WIZ: variants seen among roughly 807,000 people sequenced by gnomAD.
The protein encoded by WIZ is protein Wiz.
WIZ carries 25 observed loss-of-function variants against 140.2 expected under a neutral mutation model. The observed-to-expected ratio is 0.18, with a 90% CI of 0.13 to 0.25. WIZ has a LOEUF of 0.25. Ranked by LOEUF, WIZ falls within the 10% of genes least tolerant of loss-of-function variation. WIZ has a pLI of 1.00. For synonymous variants in WIZ, 1,125 were observed against 1,154.3 expected (o/e 0.97, Z 0.51); for missense variants, 2,231 against 2,632.6 (o/e 0.85, Z 3.34).
At chr19:15,429,241 G>A (rs988504585) in intron 7 of WIZ, among the ~76,000 whole-genome samples, 1 of 152,140 alleles carries the variant, frequency 6.6e-6, no homozygotes, top group Non-Finnish European at 1.5e-5. Context: ...AGAAAGCTAG[G>A]CCACAGGAAC....
In WIZ at chr19:15,442,691, T is replaced by C. The variant is rs1404188865; in HGVS notation, c.263A>G (p.His88Arg). Residue 88 changes from histidine (H) to arginine (R), a missense_variant, in exon 3 of 13, where the codon CAT (histidine) becomes CGT (arginine). This residue lies in a region of WIZ where 16 missense variants were observed against 39.7 expected (regional missense o/e 0.40). Coordinates refer to ENST00000673675, the MANE Select transcript of WIZ (RefSeq NM_001371589.1). This position sits in a 1 kb window ranked among gnomAD's most constrained non-coding sequence, Gnocchi z 5.5. ...EALPRVTSAT[H>R]RISSCCWDGG... Reference sequence around the variant, plus strand: ...TGGCACTCACCAGCTGCTGATCCGATGGGTGGCGGAGGTGACACGGGGGAG... The same window carrying C: ...TGGCACTCACCAGCTGCTGATCCGACGGGTGGCGGAGGTGACACGGGGGAG... 76 of 1,232,344 alleles carry C rather than the reference T, an allele frequency of 6.2e-5. No individual in the cohort carries two copies. The highest frequency in any genetic ancestry group is 7.6e-5 in the Non-Finnish European group (75 of 988,292). 76.3% of individuals were successfully genotyped at this position (1,232,344 alleles called of 1,614,324 possible).
Position 15,428,093 on chromosome 19 carries a change from C to A in WIZ, c.3814+17G>T, listed in dbSNP as rs755209343. 2.9e-5 allele frequency: 45 copies of A among 1,533,092 alleles called. No homozygotes were observed. The highest frequency in any genetic ancestry group is 5.9e-5 in the Admixed American group (3 of 50,806). 95.0% of individuals were successfully genotyped at this position (1,533,092 alleles called of 1,614,324 possible). ...AGGGCCCGCAGTGAGGAGGGGGCAG[C>A]TGAAGCGAGAACCTACAGAGGTTGA... On this transcript the variant is annotated intron_variant, in intron 8 of 12. Coordinates refer to ENST00000673675, the MANE Select transcript of WIZ (RefSeq NM_001371589.1). This position sits in a 1 kb window ranked among gnomAD's most constrained non-coding sequence, Gnocchi z 6.4.
Position 15,439,067 on chromosome 19 carries a change from G to T in WIZ, c.1927C>A (p.Pro643Thr). Residue 643 changes from proline to threonine, a missense_variant, in exon 4 of 13, where the codon CCC (proline) becomes ACC (threonine). Pro to Thr is a conservative substitution (Grantham distance 38). Coordinates refer to ENST00000673675, the MANE Select transcript of WIZ (RefSeq NM_001371589.1). This position sits in a 1 kb window ranked among gnomAD's most constrained non-coding sequence, Gnocchi z 7.0. The stretch of plus-strand genomic sequence containing the variant: ...GGGATGAGGCTGGGGGTGGCTAGGG[G>T]TGAAAAGACCCCATTTTCAGGGGAA... The part of the protein sequence containing the change: ...DFSPENGVFS[P>T]LATPSLIPQA... 1.3e-6 allele frequency: 2 copies of T among 1,491,702 alleles called. No homozygotes were observed. Among genetic ancestry groups the T allele is most frequent in the South Asian group, 2.6e-5 (2 of 78,280 alleles). 92.4% of individuals were successfully genotyped at this position (1,491,702 alleles called of 1,614,324 possible). A position where few individuals can be genotyped will look rare whatever the true frequency, so the allele number is the denominator to read the frequency against.
In WIZ at chr19:15,432,612, G is replaced by A. The variant is rs1290888005; in HGVS notation, c.2741-1430C>T. The A allele has an allele frequency of 9.9e-6, 2 of 201,470 alleles. No individual in the cohort carries two copies. The highest frequency in any genetic ancestry group is 1.7e-5 in the Non-Finnish European group (2 of 117,888). 12.5% of individuals were successfully genotyped at this position (201,470 alleles called of 1,614,324 possible). Reference sequence around the variant, plus strand: ...GGGGGCTGGGCGGGGGCGCCCCCGCGGGCGCGCGCTCCCGGGCGCCCCCCG... The same window carrying A: ...GGGGGCTGGGCGGGGGCGCCCCCGCAGGCGCGCGCTCCCGGGCGCCCCCCG... On this transcript the variant is annotated intron_variant, in intron 5 of 12. Coordinates refer to ENST00000673675, the MANE Select transcript of WIZ (RefSeq NM_001371589.1).
At position 15,423,165 on chromosome 19, in the gene WIZ, T is replaced by C. The variant is rs760336135; in HGVS notation, c.5581A>G (p.Ile1861Val). 12 of 1,613,654 alleles carry C rather than the reference T, an allele frequency of 7.4e-6. No homozygotes were observed. In the African/African-American group the frequency reaches 1.2e-4, roughly 16 times the overall value. ...EEWVRHLQRH[I>V]LEMNFSKADP... is the part of the protein sequence containing the mutation. ...GCTTTGGAGAAGTTCATCTCCAGGA[T>C]GTGCCGCTGTAAGTGCCGCACCCAC... The change falls in exon 13 of 13, where the codon ATC (isoleucine) becomes GTC (valine). Residue 1861 changes from isoleucine (I) to valine (V), a missense_variant. Coordinates refer to ENST00000673675, the MANE Select transcript of WIZ (RefSeq NM_001371589.1).
chr19:15,430,946 G>A (rs149783733), intron 6 of WIZ, 66 bp downstream of exon 6: 24 of 1,448,922 alleles, frequency 1.7e-5, no homozygotes, highest in Middle Eastern at 2.5e-4. Context: ...CCCAAGGCAC[G>A]AGAGTGCTCC....
chr19:15,427,968 A>G lies in WIZ; in HGVS notation c.3814+142T>C. ...AGAGAGGGCCTAGCAGCCCACTGCCAACAAGATCTCTGGGCAGAACCGGCC... is the reference window on the plus strand; with the variant it reads ...AGAGAGGGCCTAGCAGCCCACTGCCGACAAGATCTCTGGGCAGAACCGGCC... On this transcript the variant is annotated intron_variant, in intron 8 of 12. Coordinates refer to ENST00000673675, the MANE Select transcript of WIZ (RefSeq NM_001371589.1). The surrounding 1 kb of genome is among the most constrained non-coding windows in gnomAD (Gnocchi z 6.4). 1 of 1,263,668 alleles carries G rather than the reference A, an allele frequency of 7.9e-7. No individual in the cohort carries two copies. 78.3% of individuals were successfully genotyped at this position (1,263,668 alleles called of 1,614,324 possible).
intron 3 of WIZ, among the ~76,000 whole-genome samples, chr19:15,441,834 T>C (rs1476585299): frequency 6.6e-6 from 1 of 152,172 alleles, no homozygotes; most frequent in Non-Finnish European, 1.5e-5. Flanking sequence ...TAGCAGCTAT[T>C]ATTAATTAAT....
chr19:15,440,634 A>G lies in WIZ; in HGVS notation c.360T>C (p.Asp120=). The change falls in exon 4 of 13, where the codon GAT becomes GAC. Residue 120 remains aspartate, a synonymous_variant. Transcript: ENST00000673675. This position sits in a 1 kb window ranked among gnomAD's most constrained non-coding sequence, Gnocchi z 6.2. ...GGGGGTGCTCCCAGGGCCCCCGGCCATCAGGGGTACCTGGGAAATGGCCCA... is the reference window on the plus strand; with the variant it reads ...GGGGGTGCTCCCAGGGCCCCCGGCCGTCAGGGGTACCTGGGAAATGGCCCA... ...HLLGHFPGTP[D]GRGPWEHPLV... is the part of the protein sequence containing the mutation. 6.5e-7 allele frequency: 1 copy of G among 1,531,464 alleles called. No individual in the cohort carries two copies. The highest frequency in any genetic ancestry group is 1.4e-5 in the African/African-American group (1 of 73,044). 94.9% of individuals were successfully genotyped at this position (1,531,464 alleles called of 1,614,324 possible). A position where few individuals can be genotyped will look rare whatever the true frequency, so the allele number is the denominator to read the frequency against.
chr19:15,432,278 T>A (rs547687185), intron 5 of WIZ, among the ~76,000 whole-genome samples: 1 of 149,398 alleles, frequency 6.7e-6, no homozygotes, highest in Non-Finnish European at 1.5e-5. Flanking sequence ...CCTGGGACCC[T>A]GCGAGCGGCG....
Position 15,421,289 on chromosome 19 carries a change from T to C in WIZ, c.*1787A>G, listed in dbSNP as rs564517287. The C allele has an allele frequency of 6.6e-6, 1 of 152,236 alleles. No individual in the cohort carries two copies. 9.4% of individuals were successfully genotyped at this position (152,236 alleles called of 1,614,324 possible). A position where few individuals can be genotyped will look rare whatever the true frequency, so the allele number is the denominator to read the frequency against. On this transcript the variant is annotated 3_prime_UTR_variant, in exon 13 of 13. Coordinates refer to ENST00000673675, the MANE Select transcript of WIZ (RefSeq NM_001371589.1). ...CGGCCTTCTGCCACCAGGCGAGATG[T>C]GCGTCCTGACCCCACAGGAGCAGAC... is the stretch of plus-strand genomic sequence containing the variant.
intron 5 of WIZ, among the ~76,000 whole-genome samples, chr19:15,435,190 C>T (rs146733705): frequency 6.6e-6 from 1 of 152,158 alleles, no homozygotes; most frequent in Non-Finnish European, 1.5e-5. Context: ...TGCACTCCAG[C>T]CTGGGCGACA....
At position 15,425,391 on chromosome 19, in the gene WIZ, G is replaced by A. The variant is rs1425274168; in HGVS notation, c.4744C>T (p.Pro1582Ser). 1.9e-6 allele frequency: 3 copies of A among 1,557,250 alleles called. No individual in the cohort carries two copies. Among genetic ancestry groups the A allele is most frequent in the Admixed American group, 3.9e-5 (2 of 51,582 alleles). The change falls in exon 10 of 13, where the codon CCC becomes TCC. Residue 1582 changes from proline (P) to serine (S), a missense_variant. Physicochemically the swap from Pro to Ser is moderately conservative, Grantham distance 74. Around this residue, in one of 15 missense-constraint regions of WIZ, gnomAD observed 393 missense variants for 451.7 expected, o/e 0.87. Transcript: ENST00000673675. The part of the protein sequence containing the change: ...LSLTPITGAK[P>S]SATGYLGSVA... ...GAGCCCAGGTAGCCAGTGGCTGAGG[G>A]CTTGGCCCCAGTGATGGGCGTCAGG...
chr19:15,443,967 C>T (rs573235524), intron 2 of WIZ, among the ~76,000 whole-genome samples: 3 of 152,250 alleles, frequency 2.0e-5, no homozygotes, highest in South Asian at 4.1e-4. Flanking sequence ...ATGCCTGGAG[C>T]GACCACAGGA....
intron 2 of WIZ, among the ~76,000 whole-genome samples, chr19:15,443,603 A>G (rs768205775): frequency 7.2e-5 from 11 of 152,160 alleles, no homozygotes; most frequent in South Asian, 2.1e-4. Flanking sequence ...ATGAGCCCCT[A>G]TGATTTTCTC....
chr19:15,424,359 G>T lies in WIZ; in HGVS notation c.5334C>A (p.Ala1778=), dbSNP rs754227374. The T allele has an allele frequency of 1.2e-6, 2 of 1,601,954 alleles. No individual in the cohort carries two copies. Among genetic ancestry groups the T allele is most frequent in the East Asian group, 4.6e-5 (2 of 43,874 alleles). Residue 1778 remains alanine, a synonymous_variant, in exon 12 of 13, where the codon GCC becomes GCA. Coordinates refer to ENST00000673675, the MANE Select transcript of WIZ (RefSeq NM_001371589.1). The surrounding 1 kb of genome is among the most constrained non-coding windows in gnomAD (Gnocchi z 9.7). The part of the protein sequence containing the change: ...QNINKFERRQ[A]RPPDASAARG... ...GGGCTGCGGAGGCATCTGGAGGGCG[G>T]GCTTGTCGGCGTTCAAATTCTAAGG...
In WIZ at chr19:15,440,686, C is replaced by T. The variant is rs536673735; in HGVS notation, c.308G>A (p.Arg103Gln). 263 of 1,509,106 alleles carry T rather than the reference C, an allele frequency of 1.7e-4. 1 individual carries two copies. Among genetic ancestry groups the T allele is most frequent in the African/African-American group, 1.2e-3 (86 of 72,380 alleles). The allele number at this position is 1,509,106 out of a possible 1,614,324, so 93.5% of individuals were successfully genotyped here. ...CCWDGGSLDF[R>Q]PGSPPPHLLG... is the part of the protein sequence containing the mutation. Reference sequence around the variant, plus strand: ...GAGATGGGGTGGTGGGGAGCCCGGCCGGAAGTCCAGGCTGCCTCCATCCCA... The same window carrying T: ...GAGATGGGGTGGTGGGGAGCCCGGCTGGAAGTCCAGGCTGCCTCCATCCCA... The change falls in exon 4 of 13, where the codon CGG becomes CAG. Residue 103 changes from arginine (R) to glutamine (Q), a missense_variant. Arg to Gln is a conservative substitution (Grantham distance 43). Coordinates refer to ENST00000673675, the MANE Select transcript of WIZ (RefSeq NM_001371589.1). The surrounding 1 kb of genome is among the most constrained non-coding windows in gnomAD (Gnocchi z 6.2).
intron 5 of WIZ, chr19:15,433,102 G>A (rs1245006518): frequency 3.1e-6 from 1 of 319,814 alleles, no homozygotes; most frequent in African/African-American, 2.2e-5. Context: ...ACCTGCCCTA[G>A]GACCCTGCCC....
chr19:15,446,426 C>G (rs1969923008), intron 2 of WIZ, among the ~76,000 whole-genome samples: 1 of 152,198 alleles, frequency 6.6e-6, no homozygotes, highest in African/African-American at 2.4e-5. Context: ...TTCTGCCTCT[C>G]TCTGAGCCTC....
Sources: gnomAD v4.1 joint callset for allele counts (sites outside exome capture counted in the v4.1 genomes callset) on GRCh38, gnomAD v4.1.1 for gene constraint, gnomAD v4.1.1 regional missense constraint, Gnocchi (gnomAD v3.1) non-coding constraint, MANE v1.5 for transcripts, NCBI Gene and HGNC (gene_info 2026-07-23, HGNC 2026-07-21) for gene names.